The following SLC30A9 variants were observed in gnomAD, a reference collection of about 807,000 sequenced individuals.
SLC30A9 encodes the protein solute carrier family 30 member 9.
In SLC30A9, 58 loss-of-function variants were observed where a neutral mutation model predicts 87.5. That is an observed-to-expected ratio of 0.66 (90% CI 0.54 to 0.82). SLC30A9 has a LOEUF of 0.82. SLC30A9 is among the 40% of genes least tolerant of loss of function. SLC30A9 has a pLI of 0.00. For missense variants in SLC30A9, 557 were observed against 679.1 expected, an observed-to-expected ratio of 0.82 and a Z score of 2.00; for synonymous variants, 234 against 233.0, an observed-to-expected ratio of 1.00 and a Z score of -0.04.
chr4:42,058,507 A>G (rs369881483), intron 9 of SLC30A9, among the ~76,000 whole-genome samples: 8 of 152,222 alleles, frequency 5.3e-5, no homozygotes, highest in African/African-American at 1.9e-4. Context: ...ATTTTCGGGT[A>G]TCTAGAGCAG....
chr4:42,045,603 C>A (rs1407119709), intron 8 of SLC30A9, among the ~76,000 whole-genome samples: 2 of 147,380 alleles, frequency 1.4e-5, no homozygotes, highest in African/African-American at 4.9e-5. Flanking sequence ...AAAAAAAAGC[C>A]CAGGACTAGA....
chr4:42,042,588 G>A (rs1716967889), intron 8 of SLC30A9, among the ~76,000 whole-genome samples: 4 of 152,192 alleles, frequency 2.6e-5, no homozygotes, highest in African/African-American at 9.7e-5. Context: ...GGGGCTTATA[G>A]ATAAAACTCT....
chr4:41,997,067 T>TAAATAA (rs1308934071), intron 1 of SLC30A9, among the ~76,000 whole-genome samples: 10 of 67,350 alleles, frequency 1.5e-4, no homozygotes, highest in African/African-American at 2.9e-4. Flanking sequence ...TAAATAAAAA[T>TAAATAA]GAAAAAGAAA....
At position 42,070,618 on chromosome 4, in the gene SLC30A9, C is replaced by T; in HGVS notation, c.1345C>T (p.Leu449Phe). ...AFLIYTNTEA[L>F]LGRSIQPEQV... ...CCTCATCTACACTAACACAGAAGCA[C>T]TCTTAGGGCGGTCCATCCAGCCAGA... Residue 449 changes from leucine to phenylalanine, a missense_variant, in exon 15 of 18, where the codon CTC (leucine) becomes TTC (phenylalanine). Physicochemically the swap from Leu to Phe is conservative, Grantham distance 22. This residue lies in a region of SLC30A9 where 90 missense variants were observed against 149.4 expected (regional missense o/e 0.60). Transcript: ENST00000264451. 1.9e-6 allele frequency: 3 copies of T among 1,614,096 alleles called. No homozygotes were observed. Among genetic ancestry groups the T allele is most frequent in the Non-Finnish European group, 2.5e-6 (3 of 1,179,976 alleles).
At chr4:42,036,256 A>G (rs1350962757) in intron 7 of SLC30A9, among the ~76,000 whole-genome samples, 5 of 152,176 alleles carry the variant, frequency 3.3e-5, no homozygotes, top group African/African-American at 1.2e-4. Context: ...GTGTAATTTC[A>G]TAAAAGTACC....
At chr4:42,026,451 A>G (rs902406172) in intron 6 of SLC30A9, among the ~76,000 whole-genome samples, 6 of 152,122 alleles carry the variant, frequency 3.9e-5, no homozygotes, top group African/African-American at 1.4e-4. Context: ...ATGTATACAT[A>G]TTTTTCTTTG....
At chr4:41,996,847 C>T (rs1216111427) in intron 1 of SLC30A9, among the ~76,000 whole-genome samples, 1 of 151,928 alleles carries the variant, frequency 6.6e-6, no homozygotes, top group Non-Finnish European at 1.5e-5. Flanking sequence ...CAGTCTGGCC[C>T]ACATGGTGAA....
chr4:42,082,956 A>T (rs1447131583), intron 17 of SLC30A9, among the ~76,000 whole-genome samples: 1 of 152,208 alleles, frequency 6.6e-6, no homozygotes, highest in African/African-American at 2.4e-5. Flanking sequence ...GAACTACAAA[A>T]TTAATATAAA....
chr4:42,044,293 G>GTGTGC (rs1330532482), intron 8 of SLC30A9, among the ~76,000 whole-genome samples: 2 of 151,384 alleles, frequency 1.3e-5, no homozygotes, highest in Non-Finnish European at 1.5e-5. Flanking sequence ...AGACCCATTG[G>GTGTGC]TGTGCTGCAT....
intron 11 of SLC30A9, among the ~76,000 whole-genome samples, chr4:42,064,631 G>T (rs1352441939): frequency 6.6e-6 from 1 of 151,976 alleles, no homozygotes; most frequent in East Asian, 1.9e-4. Flanking sequence ...CACTTTATAG[G>T]GGCAAAGCAC....
intron 17 of SLC30A9, among the ~76,000 whole-genome samples, chr4:42,084,704 CT>C (rs1299610743): frequency 6.6e-6 from 1 of 152,168 alleles, no homozygotes; most frequent in Non-Finnish European, 1.5e-5. Flanking sequence ...ATCTCTTGAC[CT>C]TGTGATCCGC....
At position 41,990,579 on chromosome 4, in the gene SLC30A9, T is replaced by C. The variant is rs1284131671; in HGVS notation, c.-73T>C. ...TCGGTGTTCGCTGATGTCCAGTCTA[T>C]GGAGTCAGTTGGTACCGGTGGCGGC... On this transcript the variant is annotated 5_prime_UTR_variant, in exon 1 of 18. It removes an upstream start codon present in the reference 5' UTR. Coordinates refer to ENST00000264451, the MANE Select transcript of SLC30A9 (RefSeq NM_006345.4). 4.6e-6 allele frequency: 4 copies of C among 868,116 alleles called. No homozygotes were observed. The African/African-American group carries it at 6.6e-5, about 14-fold the overall frequency. 53.8% of individuals were successfully genotyped at this position (868,116 alleles called of 1,614,324 possible). A position where few individuals can be genotyped will look rare whatever the true frequency, so the allele number is the denominator to read the frequency against.
Position 41,990,651 on chromosome 4 carries a change from G to C in SLC30A9, c.-1G>C. On this transcript the variant is annotated 5_prime_UTR_variant, in exon 1 of 18. Transcript: ENST00000264451. ...CGAGTAGGGGCCTCTGCCCCACCAG[G>C]ATGTTACCCGGCTTGGCCGCCGCCG... 1.9e-6 allele frequency: 3 copies of C among 1,600,524 alleles called. No individual in the cohort carries two copies. The highest frequency in any genetic ancestry group is 1.7e-6 in the Non-Finnish European group (2 of 1,170,512).
At chr4:42,081,635 A>G (rs993779364) in intron 17 of SLC30A9, among the ~76,000 whole-genome samples, 2 of 152,142 alleles carry the variant, frequency 1.3e-5, no homozygotes. Flanking sequence ...TCTTTATTCT[A>G]CTTGTTTTTA....
chr4:42,013,549 T>TG lies in SLC30A9; in HGVS notation c.275-4562_275-4561insG, dbSNP rs200139740. 4.6e-3 allele frequency among the ~76,000 whole-genome samples: 701 copies of TG among 152,162 alleles called. 5 individuals are homozygous for TG. The highest frequency in any genetic ancestry group is 0.016 in the African/African-American group (675 of 41,516). On this transcript the variant is annotated intron_variant, in intron 2 of 17. Coordinates refer to ENST00000264451, the MANE Select transcript of SLC30A9 (RefSeq NM_006345.4). Reference sequence around the variant, plus strand: ...TTTTACTGTTATAAAGACAGACACATAAACCAATGGAACAGAATACAGAGC... The same window carrying TG: ...TTTTACTGTTATAAAGACAGACACATGAAACCAATGGAACAGAATACAGAGC...
At position 42,049,450 on chromosome 4, in the gene SLC30A9, A is replaced by G. The variant is rs753026193; in HGVS notation, c.811A>G (p.Ile271Val). ...TTCAGCAAGTATGTTCTCAGAAGCT[A>G]TACACTCATTATCTGATACTTGTAA... ...TGSASMFSEA[I>V]HSLSDTCNQG... Residue 271 changes from isoleucine to valine, a missense_variant, in exon 9 of 18, where the codon ATA (isoleucine) becomes GTA (valine). Ile to Val is a conservative substitution (Grantham distance 29). Coordinates refer to ENST00000264451, the MANE Select transcript of SLC30A9 (RefSeq NM_006345.4). The G allele has an allele frequency of 1.2e-5, 20 of 1,604,988 alleles. No homozygotes were observed. Among genetic ancestry groups the G allele is most frequent in the Non-Finnish European group, 5.1e-6 (6 of 1,174,082 alleles).
At chr4:42,066,318 A>G (rs1267705034) in intron 12 of SLC30A9, among the ~76,000 whole-genome samples, 7 of 152,220 alleles carry the variant, frequency 4.6e-5, no homozygotes, top group Admixed American at 1.3e-4. Context: ...CAGCTCTTCA[A>G]TAAACTAAAG....
At position 42,090,000 on chromosome 4, in the gene SLC30A9, G is replaced by C. The variant is rs1039733781; in HGVS notation, c.*3874G>C. The C allele has an allele frequency of 5.3e-5, 8 of 152,186 alleles. No individual in the cohort carries two copies. In the East Asian group the frequency reaches 1.3e-3, roughly 26 times the overall value. The allele number at this position is 152,186 out of a possible 1,614,324, so 9.4% of individuals were successfully genotyped here. On this transcript the variant is annotated 3_prime_UTR_variant, in exon 18 of 18. Transcript: ENST00000264451. ...TTTGCTAAAATGATAACCATCTAAA[G>C]AGTGCCTAAGTTTTAAGTCTCGTAA...
chr4:42,029,980 A>G (rs375549262), intron 6 of SLC30A9: 32 of 914,090 alleles, frequency 3.5e-5, no homozygotes, highest in African/African-American at 2.2e-4. Flanking sequence ...AAATACCTGC[A>G]GCCTCTGCTT....
Sources: allele counts gnomAD v4.1 joint callset (sites outside exome capture counted in the v4.1 genomes callset), GRCh38; gene constraint gnomAD v4.1.1; regional missense constraint gnomAD v4.1.1; transcripts MANE v1.5; gene names NCBI Gene and HGNC (gene_info 2026-07-23, HGNC 2026-07-21).